Variants in ACACB observed in about 807,000 individuals in gnomAD.
ACACB encodes acetyl-CoA carboxylase 2.
In ACACB, 209 loss-of-function variants were observed where a neutral mutation model predicts 278.8. That is an observed-to-expected ratio of 0.75 (90% CI 0.67 to 0.84). The LOEUF (loss-of-function observed/expected upper bound fraction) is 0.84. Ranked by LOEUF, ACACB falls within the 40% of genes least tolerant of loss-of-function variation. ACACB has a pLI of 0.00. For synonymous variants in ACACB, 1,174 were observed against 1,285.6 expected, an observed-to-expected ratio of 0.91 and a Z score of 1.86; for missense variants, 2,850 against 3,269.0, an observed-to-expected ratio of 0.87 and a Z score of 3.13.
At chr12:109,235,177 A>T in intron 31 of ACACB, 136 bp from the exon 32 acceptor site, 1 of 729,310 alleles carries the variant, frequency 1.4e-6, no homozygotes, top group South Asian at 1.6e-5. Context: ...GAATCAGATC[A>T]CAGGAGGTCT....
At position 109,179,117 on chromosome 12, in the gene ACACB, C is replaced by G; in HGVS notation, c.1467C>G (p.Ile489Met). ...QVQSEIPGSP[I>M]FLMKLAQHAR... ...AGAGTGAGATCCCAGGCTCGCCCAT[C>G]TTTCTCATGAAGCTGGCCCAGCACG... Residue 489 changes from isoleucine (I) to methionine (M), a missense_variant, in exon 10 of 53, where the codon ATC becomes ATG. By Grantham distance (10) the Ile-to-Met change is conservative. This residue lies in a region of ACACB where 2,265 missense variants were observed against 2,561.3 expected (regional missense o/e 0.88). Transcript: ENST00000338432. The G allele has an allele frequency of 6.2e-7, 1 of 1,613,748 alleles. No individual in the cohort carries two copies. Among genetic ancestry groups the G allele is most frequent in the South Asian group, 1.1e-5 (1 of 90,986 alleles).
chr12:109,158,019 G>A (rs1431148096), intron 2 of ACACB, among the ~76,000 whole-genome samples: 2 of 152,160 alleles, frequency 1.3e-5, no homozygotes, highest in African/African-American at 4.8e-5. Context: ...ATTTCCTGGT[G>A]GGGAGATTTT....
intron 30 of ACACB, 38 bp downstream of exon 30, chr12:109,233,885 G>T (rs778735003): frequency 1.2e-6 from 2 of 1,613,392 alleles, no homozygotes; most frequent in African/African-American, 1.3e-5. Context: ...TGGGGAGCAG[G>T]TGGGCCGTGG....
At chr12:109,115,657 A>C (rs571104170), upstream of ACACB, among the ~76,000 whole-genome samples, 3 of 152,200 alleles carry the variant, frequency 2.0e-5, no homozygotes, top group Non-Finnish European at 4.4e-5. Context: ...TTTCCAGAGC[A>C]CATGCTTCCA....
At chr12:109,134,259 C>G (rs1282299915) in intron 1 of ACACB, among the ~76,000 whole-genome samples, 2 of 152,200 alleles carry the variant, frequency 1.3e-5, no homozygotes, top group Non-Finnish European at 2.9e-5. Flanking sequence ...GAAGTCTGTA[C>G]CCAGGCCTCC....
chr12:109,145,543 G>C (rs2136052167), intron 2 of ACACB, among the ~76,000 whole-genome samples: 1 of 152,118 alleles, frequency 6.6e-6, no homozygotes, highest in East Asian at 1.9e-4. Flanking sequence ...TTATAAGTGA[G>C]AACAAGCATA....
At chr12:109,184,377 G>A (rs1293067682) in intron 11 of ACACB, among the ~76,000 whole-genome samples, 1 of 152,138 alleles carries the variant, frequency 6.6e-6, no homozygotes, top group African/African-American at 2.4e-5. Flanking sequence ...TTGAGCAATG[G>A]TTTGAGTGAA....
chr12:109,179,017 C>CCTGAGAA, intron 9 of ACACB, 71 bp from the exon 10 acceptor site: 4 of 1,432,912 alleles, frequency 2.8e-6, no homozygotes, highest in Non-Finnish European at 3.9e-6. Context: ...TATGTTCTCT[C>CCTGAGAA]CTGAGAACTT....
chr12:109,228,658 CAAAA>C (rs887136316), intron 28 of ACACB, among the ~76,000 whole-genome samples: 1 of 72,566 alleles, frequency 1.4e-5, no homozygotes, highest in Non-Finnish European at 2.9e-5. Context: ...AACTCTGTCT[CAAAA>C]AAAAAAAAAA....
At position 109,232,723 on chromosome 12, in the gene ACACB, G is replaced by C. The variant is rs764668971; in HGVS notation, c.4056G>C (p.Glu1352Asp). ...TNPDLLRHSTELFMDSGFSPL... is the reference protein window; with the variant it reads ...TNPDLLRHSTDLFMDSGFSPL... ...CTGACCTGCTGAGGCACAGCACAGA[G>C]CTCTTCATGGACAGCGGCTTCTCCC... The change falls in exon 29 of 53, where the codon GAG becomes GAC. Residue 1352 changes from glutamate (E) to aspartate (D), a missense_variant. Glu to Asp is a conservative substitution (Grantham distance 45, BLOSUM62 2). Coordinates refer to ENST00000338432, the MANE Select transcript of ACACB (RefSeq NM_001093.4). 1 of 1,614,168 alleles carries C rather than the reference G, an allele frequency of 6.2e-7. No individual in the cohort carries two copies. The highest frequency in any genetic ancestry group is 1.1e-5 in the South Asian group (1 of 91,088).
At chr12:109,156,502 T>G (rs1231026270) in intron 2 of ACACB, among the ~76,000 whole-genome samples, 1 of 151,740 alleles carries the variant, frequency 6.6e-6, no homozygotes, top group Non-Finnish European at 1.5e-5. Flanking sequence ...CACTCCAGCC[T>G]GGGCAACAGA....
At position 109,168,017 on chromosome 12, in the gene ACACB, A is replaced by T. The variant is rs774926883; in HGVS notation, c.908A>T (p.Asp303Val). The T allele has an allele frequency of 6.2e-7, 1 of 1,611,522 alleles. No individual in the cohort carries two copies. Among genetic ancestry groups the T allele is most frequent in the Non-Finnish European group, 8.5e-7 (1 of 1,178,666 alleles). Residue 303 changes from aspartate to valine, a missense_variant, in exon 4 of 53, where the codon GAC (aspartate) becomes GTC (valine). Asp to Val is a radical substitution (Grantham distance 152). Around this residue, in one of 3 missense-constraint regions of ACACB, gnomAD observed 2,265 missense variants for 2,561.3 expected, o/e 0.88. Coordinates refer to ENST00000338432, the MANE Select transcript of ACACB (RefSeq NM_001093.4). ...TTTGTTGTGATGGTGACCCCCGAGG[A>T]CCTTAAGGCCAACGCAGGTACCTGG... ...IRFVVMVTPE[D>V]LKANAEYIKM...
intron 24 of ACACB, among the ~76,000 whole-genome samples, chr12:109,217,296 A>G (rs1244688395): frequency 6.6e-6 from 1 of 152,186 alleles, no homozygotes; most frequent in Non-Finnish European, 1.5e-5. Context: ...AATAAATAAA[A>G]GAAAAAGTAA....
chr12:109,124,693 G>T (rs573529638), intron 1 of ACACB, among the ~76,000 whole-genome samples: 60 of 151,926 alleles, frequency 3.9e-4, no homozygotes, highest in African/African-American at 1.2e-3. Flanking sequence ...GTTGTTTTTT[G>T]TTGTTGTTGT....
At chr12:109,257,351 T>G (rs567581216) in intron 45 of ACACB, among the ~76,000 whole-genome samples, 10 of 151,466 alleles carry the variant, frequency 6.6e-5, no homozygotes, top group Non-Finnish European at 1.3e-4. Context: ...TTCTTCCATG[T>G]GAAAACACTT....
At chr12:109,147,347 C>G (rs966598503) in intron 2 of ACACB, among the ~76,000 whole-genome samples, 1 of 151,448 alleles carries the variant, frequency 6.6e-6, no homozygotes, top group African/African-American at 2.4e-5. Flanking sequence ...ACATCAGCCT[C>G]CTGAGAAGCT....
At chr12:109,197,344 G>A (rs949296807) in intron 17 of ACACB, among the ~76,000 whole-genome samples, 191 bp downstream of exon 17, 7 of 152,026 alleles carry the variant, frequency 4.6e-5, no homozygotes, top group Admixed American at 1.3e-4. Context: ...ATATTTAGGG[G>A]AGGATCCTAG....
chr12:109,190,246 G>T (rs532071445), intron 13 of ACACB, among the ~76,000 whole-genome samples: 81 of 152,148 alleles, frequency 5.3e-4, no homozygotes, highest in Non-Finnish European at 1.0e-3. Context: ...GTCCCACCAC[G>T]CCCGGCTAGT....
At chr12:109,205,370 A>G (rs918147115) in intron 19 of ACACB, among the ~76,000 whole-genome samples, 2 of 152,170 alleles carry the variant, frequency 1.3e-5, no homozygotes, top group African/African-American at 4.8e-5. Context: ...GAGTGTAGTT[A>G]GAAGACCGCC....
Sources: allele counts gnomAD v4.1 joint callset (sites outside exome capture counted in the v4.1 genomes callset), GRCh38; gene constraint gnomAD v4.1.1; regional missense constraint gnomAD v4.1.1; transcripts MANE v1.5; gene names NCBI Gene and HGNC (gene_info 2026-07-23, HGNC 2026-07-21).